Variants in RHBDD2 observed in about 807,000 individuals in gnomAD.
RHBDD2 encodes the protein rhomboid domain-containing protein 2.
A neutral mutation model predicts 21.7 loss-of-function variants in RHBDD2; 13 were observed. The ratio of observed to expected loss-of-function variants is 0.60; its 90% CI spans 0.39 to 0.95. The LOEUF (loss-of-function observed/expected upper bound fraction) is 0.95, where lower values mean the gene tolerates loss of function less well. Among genes scored for constraint, RHBDD2 ranks in the 40% least tolerant of loss-of-function variants. The pLI is 0.00. For synonymous variants in RHBDD2, 225 were observed against 220.0 expected (o/e 1.02, Z -0.20); for missense variants, 473 against 478.9 (o/e 0.99, Z 0.11).
intron 1 of RHBDD2, among the ~76,000 whole-genome samples, chr7:75,880,609 G>A (rs1554542281): frequency 6.6e-6 from 1 of 152,136 alleles, no homozygotes; most frequent in African/African-American, 2.4e-5. Context: ...ATAGAGCCAA[G>A]ATTCCACTCC....
chr7:75,879,577 C>T (rs1805197241), intron 1 of RHBDD2, among the ~76,000 whole-genome samples: 1 of 152,204 alleles, frequency 6.6e-6, no homozygotes, highest in Non-Finnish European at 1.5e-5. Context: ...CATGCTCGCT[C>T]TCCAAGGGTA....
At chr7:75,886,564 C>T (rs782410728) in intron 3 of RHBDD2, among the ~76,000 whole-genome samples, 1 of 152,088 alleles carries the variant, frequency 6.6e-6, no homozygotes, top group Non-Finnish European at 1.5e-5. Flanking sequence ...CCTGTAATCC[C>T]AGCACTTTGG....
rs541970214 is a variant in RHBDD2, at chr7:75,888,616, A to G, written c.*267A>G. The G allele has an allele frequency of 1.0e-4, 46 of 458,256 alleles. No individual in the cohort carries two copies. Among genetic ancestry groups the G allele is most frequent in the African/African-American group, 8.0e-4 (41 of 51,356 alleles). 28.4% of individuals were successfully genotyped at this position (458,256 alleles called of 1,614,324 possible). A position where few individuals can be genotyped will look rare whatever the true frequency, so the allele number is the denominator to read the frequency against. On this transcript the variant is annotated 3_prime_UTR_variant, in exon 4 of 4. Coordinates refer to ENST00000006777, the MANE Select transcript of RHBDD2 (RefSeq NM_001040456.3). ...GTAACACGGACAAGGCTCCTCGCCA[A>G]GGAACTCGTGGCAGAAGAGGGCAGC...
rs13234021 is a variant in RHBDD2 at position 75,879,367 on chromosome 7, C to T, written c.178+107C>T. The T allele has an allele frequency of 3.7e-6, 4 of 1,078,664 alleles. No individual in the cohort carries two copies. In the African/African-American group the frequency reaches 6.7e-5, roughly 18 times the overall value. The allele number at this position is 1,078,664 out of a possible 1,614,324, so 66.8% of individuals were successfully genotyped here. A position where few individuals can be genotyped will look rare whatever the true frequency, so the allele number is the denominator to read the frequency against. On this transcript the variant is annotated intron_variant, in intron 1 of 3. Transcript: ENST00000006777. ...CGCCCCTTCAGGCCTCACCGCCAGTCTCCCCCTGTCTCGGTCCTCATCACC... is the reference window on the plus strand; with the variant it reads ...CGCCCCTTCAGGCCTCACCGCCAGTTTCCCCCTGTCTCGGTCCTCATCACC...
In RHBDD2 at chr7:75,885,512, C is replaced by G. The variant is rs529449632; in HGVS notation, c.737+1664C>G. On this transcript the variant is annotated intron_variant, in intron 3 of 3. Transcript: ENST00000006777. ...TTTTCTTTCCTTCAGTGGTCCTCCC[C>G]CCAAAAAAGGAGCTCGCTGGGAAAG... Among the ~76,000 whole-genome samples, 10 of 152,206 alleles carry G rather than the reference C, an allele frequency of 6.6e-5. No homozygotes were observed. The South Asian group carries it at 2.1e-3, about 32-fold the overall frequency.
rs782244936 is a variant in RHBDD2, at chr7:75,883,768, C to T, written c.657C>T (p.Pro219=). The change falls in exon 3 of 4, where the codon CCC becomes CCT. Residue 219 remains proline, a synonymous_variant. Transcript: ENST00000006777. The part of the protein sequence containing the change: ...RVALKLDQTF[P]FSLMRRISVF... ...CACTGAAGCTCGATCAGACCTTCCC[C>T]TTCAGCCTGATGAGGAGGATATCCG... The T allele has an allele frequency of 6.2e-7, 1 of 1,613,920 alleles. No individual in the cohort carries two copies. Among genetic ancestry groups the T allele is most frequent in the South Asian group, 1.1e-5 (1 of 91,072 alleles).
chr7:75,879,372 CCT>C (rs1401698344), intron 1 of RHBDD2, 112 bp downstream of exon 1: 13 of 1,059,466 alleles, frequency 1.2e-5, no homozygotes, highest in African/African-American at 3.4e-5. Context: ...CCAGTCTCCC[CCT>C]GTCTCGGTCC....
rs1333835281 is a variant in RHBDD2 at position 75,879,048 on chromosome 7, C to G, written c.-35C>G. 3 of 1,366,272 alleles carry G rather than the reference C, an allele frequency of 2.2e-6. No homozygotes were observed. The highest frequency in any genetic ancestry group is 2.8e-6 in the Non-Finnish European group (3 of 1,057,008). The allele number at this position is 1,366,272 out of a possible 1,614,324, so 84.6% of individuals were successfully genotyped here. ...GCGGAAGGAGCAGAGGACCGGCAGC[C>G]GGCGTCGAGGCGGGGCGCGGGAACG... On this transcript the variant is annotated 5_prime_UTR_variant, in exon 1 of 4. Transcript: ENST00000006777.
In RHBDD2 at chr7:75,881,823, C is replaced by G. The variant is rs1292496209; in HGVS notation, c.179-6C>G. 19 of 1,591,648 alleles carry G rather than the reference C, an allele frequency of 1.2e-5. No homozygotes were observed. The highest frequency in any genetic ancestry group is 2.3e-5 in the South Asian group (2 of 87,470). On this transcript the variant is annotated splice_region_variant and splice_polypyrimidine_tract_variant and intron_variant, in intron 1 of 3. Transcript: ENST00000006777. ...CGCCAGGCCTCTAACCCGACTCCCTCTGCAGTTTACAGGCTGGTAACCTAC... is the reference window on the plus strand; with the variant it reads ...CGCCAGGCCTCTAACCCGACTCCCTGTGCAGTTTACAGGCTGGTAACCTAC...
At position 75,881,239 on chromosome 7, in the gene RHBDD2, C is replaced by T. The variant is rs567171473; in HGVS notation, c.179-590C>T. The T allele has an allele frequency of 1.4e-4, 101 of 738,650 alleles. No individual in the cohort carries two copies. The South Asian group carries it at 1.5e-3, about 11-fold the overall frequency. The allele number at this position is 738,650 out of a possible 1,614,324, so 45.8% of individuals were successfully genotyped here. On this transcript the variant is annotated intron_variant, in intron 1 of 3. Transcript: ENST00000006777. ...TATTACATATAAAGCATCAGTTTAC[C>T]TGTGAGATCGGATAAGCACTTTCTG...
At chr7:75,885,513 C>T (rs551304944) in intron 3 of RHBDD2, among the ~76,000 whole-genome samples, 5 of 152,056 alleles carry the variant, frequency 3.3e-5, no homozygotes, top group Admixed American at 2.0e-4. Flanking sequence ...GGTCCTCCCC[C>T]CAAAAAAGGA....
intron 1 of RHBDD2, among the ~76,000 whole-genome samples, chr7:75,879,978 T>C (rs1272969664): frequency 6.6e-6 from 1 of 152,200 alleles, no homozygotes; most frequent in African/African-American, 2.4e-5. Context: ...TCCTGCTGTT[T>C]TGCAAAGCAC....
intron 3 of RHBDD2, among the ~76,000 whole-genome samples, chr7:75,884,314 T>C (rs572586752): frequency 2.5e-4 from 38 of 152,226 alleles, no homozygotes; most frequent in African/African-American, 8.9e-4. Flanking sequence ...CTCACACTCG[T>C]GGACTCAAGT....
Position 75,882,214 on chromosome 7 carries a change from C to T in RHBDD2, c.564C>T (p.Cys188=), listed in dbSNP as rs781801731. The T allele has an allele frequency of 1.9e-5, 31 of 1,612,706 alleles. No homozygotes were observed. Among genetic ancestry groups the T allele is most frequent in the Middle Eastern group, 1.6e-4 (1 of 6,074 alleles). Residue 188 remains cysteine (C), a synonymous_variant, in exon 2 of 4, where the codon TGC becomes TGT. Coordinates refer to ENST00000006777, the MANE Select transcript of RHBDD2 (RefSeq NM_001040456.3). The part of the protein sequence containing the change: ...IPQTSFLSNV[C]GLSIGLAYGL... ...AGACCTCTTTCCTCAGTAATGTCTG[C>T]GGGCTGTCCATCGGGCTGGCCTGTA... is the stretch of plus-strand genomic sequence containing the variant.
intron 3 of RHBDD2, among the ~76,000 whole-genome samples, chr7:75,885,147 T>C (rs1327995346): frequency 6.7e-5 from 10 of 148,538 alleles, no homozygotes; most frequent in African/African-American, 2.0e-4. Context: ...GTGCAGACAG[T>C]CCACACAGCC....
chr7:75,879,426 C>T (rs936267389), intron 1 of RHBDD2, among the ~76,000 whole-genome samples, 166 bp downstream of exon 1: 1 of 152,212 alleles, frequency 6.6e-6, no homozygotes, highest in African/African-American at 2.4e-5. Context: ...CCTCCAGCAC[C>T]GTCTCTTGCT....
In RHBDD2 at chr7:75,888,252, C is replaced by T. The variant is rs782713266; in HGVS notation, c.998C>T (p.Pro333Leu). ...GGCACCTCCCTGGGCATCCAGCCCC[C>T]CACGCCTGTGAACAGCCCTGGCACG... ...SAGTSLGIQP[P>L]TPVNSPGTVY... is the part of the protein sequence containing the mutation. The change falls in exon 4 of 4, where the codon CCC becomes CTC. Residue 333 changes from proline to leucine, a missense_variant. By Grantham distance (98) the Pro-to-Leu change is moderately conservative. Transcript: ENST00000006777. 15 of 1,613,636 alleles carry T rather than the reference C, an allele frequency of 9.3e-6. No individual in the cohort carries two copies. Among genetic ancestry groups the T allele is most frequent in the Admixed American group, 1.7e-5 (1 of 60,002 alleles).
At chr7:75,880,610 A>G (rs1805268603) in intron 1 of RHBDD2, among the ~76,000 whole-genome samples, 1 of 152,162 alleles carries the variant, frequency 6.6e-6, no homozygotes, top group African/African-American at 2.4e-5. Context: ...TAGAGCCAAG[A>G]TTCCACTCCA....
At chr7:75,886,712 G>A (rs1805696675) in intron 3 of RHBDD2, among the ~76,000 whole-genome samples, 1 of 152,020 alleles carries the variant, frequency 6.6e-6, no homozygotes, top group South Asian at 2.1e-4. Flanking sequence ...TACTCGGGAG[G>A]CTGAGCCAGG....
Sources: allele counts gnomAD v4.1 joint callset (sites outside exome capture counted in the v4.1 genomes callset), GRCh38; gene constraint gnomAD v4.1.1; transcripts MANE v1.5; gene names NCBI Gene and HGNC (gene_info 2026-07-23, HGNC 2026-07-21).